LIX1: variants seen among roughly 807,000 people sequenced by gnomAD.
The protein encoded by LIX1 is limb and CNS expressed 1.
Under a neutral mutation model 33.4 loss-of-function variants are expected in LIX1, and 24 were observed. The ratio of observed to expected loss-of-function variants is 0.72; its 90% CI spans 0.52 to 1.01. The LOEUF is 1.01. Ranked by LOEUF, LIX1 falls within the 50% of genes least tolerant of loss-of-function variation. The probability of loss-of-function intolerance (pLI) is 0.00; values close to 1 mark genes in which losing one functional copy is unlikely to be tolerated. For synonymous variants in LIX1, 124 were observed against 124.0 expected (o/e 1.00, Z 0.00); for missense variants, 311 against 339.2 (o/e 0.92, Z 0.65).
At chr5:97,104,593 C>G (rs745823762) in intron 4 of LIX1, among the ~76,000 whole-genome samples, 1 of 152,190 alleles carries the variant, frequency 6.6e-6, no homozygotes, top group Non-Finnish European at 1.5e-5. Context: ...AAGTAAGCAT[C>G]CATAAATGTC....
chr5:97,120,033 G>A (rs539506645), intron 2 of LIX1, among the ~76,000 whole-genome samples: 1 of 152,180 alleles, frequency 6.6e-6, no homozygotes, highest in South Asian at 2.1e-4. Flanking sequence ...CCTAAGAGTC[G>A]GGTGGGGAAA....
chr5:97,141,514 A>G (rs953356558), intron 1 of LIX1, among the ~76,000 whole-genome samples: 4 of 152,244 alleles, frequency 2.6e-5, no homozygotes, highest in African/African-American at 9.6e-5. Context: ...TTTCTTCAAC[A>G]TACATATGAG....
At chr5:97,135,977 G>A (rs1157832578) in intron 1 of LIX1, among the ~76,000 whole-genome samples, 1 of 152,182 alleles carries the variant, frequency 6.6e-6, no homozygotes, top group African/African-American at 2.4e-5. Context: ...TTTGTGTAAT[G>A]CATCTTCCTT....
At chr5:97,139,992 G>T (rs1220163612) in intron 1 of LIX1, among the ~76,000 whole-genome samples, 2 of 152,136 alleles carry the variant, frequency 1.3e-5, no homozygotes, top group African/African-American at 4.8e-5. Flanking sequence ...ATTCCCATGT[G>T]CATCTGTTTC....
intron 1 of LIX1, among the ~76,000 whole-genome samples, chr5:97,126,642 T>C (rs1029420151): frequency 2.7e-5 from 4 of 146,980 alleles, no homozygotes; most frequent in Admixed American, 6.7e-5. Flanking sequence ...TCTTTCTTTT[T>C]TTTTTTTTTT....
chr5:97,115,465 A>T (rs1239099306), intron 2 of LIX1, among the ~76,000 whole-genome samples: 3 of 152,182 alleles, frequency 2.0e-5, no homozygotes, highest in Non-Finnish European at 4.4e-5. Flanking sequence ...TGTATTAGAA[A>T]ATAGGCAGGA....
intron 4 of LIX1, among the ~76,000 whole-genome samples, chr5:97,102,408 C>T (rs915058957): frequency 6.6e-6 from 1 of 152,086 alleles, no homozygotes; most frequent in Admixed American, 6.6e-5. Context: ...CAGGTCCCAG[C>T]AGGCAAGCTA....
chr5:97,124,208 A>ATCCATTATGATGGATG (rs1747853935), intron 2 of LIX1, among the ~76,000 whole-genome samples: 1 of 152,190 alleles, frequency 6.6e-6, no homozygotes, highest in Non-Finnish European at 1.5e-5. Context: ...ATTGCTTATG[A>ATCCATTATGATGGATG]GTTTCACGGT....
chr5:97,103,202 T>A, intron 4 of LIX1: 1 of 381,836 alleles, frequency 2.6e-6, no homozygotes, highest in Middle Eastern at 3.7e-4. Context: ...AAAAAGGACC[T>A]TTTACAGATC....
At chr5:97,101,531 G>A (rs992494287) in intron 4 of LIX1, among the ~76,000 whole-genome samples, 1 of 152,184 alleles carries the variant, frequency 6.6e-6, no homozygotes, top group Non-Finnish European at 1.5e-5. Context: ...AATATAGAAC[G>A]AAGAATCAAG....
intron 2 of LIX1, among the ~76,000 whole-genome samples, chr5:97,115,859 G>C (rs1747622457): frequency 1.3e-5 from 2 of 152,104 alleles, no homozygotes; most frequent in African/African-American, 4.8e-5. Flanking sequence ...GTCAAGGGCA[G>C]GTCAGTGTTA....
At chr5:97,118,052 C>T (rs972917482) in intron 2 of LIX1, among the ~76,000 whole-genome samples, 13 of 152,164 alleles carry the variant, frequency 8.5e-5, no homozygotes, top group African/African-American at 3.1e-4. Context: ...TACTTATTTT[C>T]TGGGAAGCCA....
At chr5:97,127,146 G>T (rs974241191) in intron 1 of LIX1, among the ~76,000 whole-genome samples, 1 of 152,106 alleles carries the variant, frequency 6.6e-6, no homozygotes, top group African/African-American at 2.4e-5. Flanking sequence ...TGTAACTAAT[G>T]CCAGTAGCCT....
chr5:97,131,314 C>T (rs1310081469), intron 1 of LIX1, among the ~76,000 whole-genome samples: 1 of 152,166 alleles, frequency 6.6e-6, no homozygotes, highest in African/African-American at 2.4e-5. Flanking sequence ...CCCTCCCTTC[C>T]TTCTATCCAG....
At chr5:97,100,346 T>A (rs1233004877) in intron 4 of LIX1, among the ~76,000 whole-genome samples, 1 of 152,178 alleles carries the variant, frequency 6.6e-6, no homozygotes, top group Non-Finnish European at 1.5e-5. Flanking sequence ...AAGCAGCTTT[T>A]TTTTTCTCTC....
At chr5:97,099,238 G>C (rs528849039) in intron 4 of LIX1, among the ~76,000 whole-genome samples, 1 of 152,116 alleles carries the variant, frequency 6.6e-6, no homozygotes, top group Non-Finnish European at 1.5e-5. Context: ...TGCTTTGTTC[G>C]AGAAACCAAA....
At chr5:97,125,685 A>G (rs1280273037) in intron 1 of LIX1, among the ~76,000 whole-genome samples, 1 of 152,188 alleles carries the variant, frequency 6.6e-6, no homozygotes. Context: ...ACAGGTTTAA[A>G]AGCAGTATAA....
intron 1 of LIX1, among the ~76,000 whole-genome samples, chr5:97,138,448 CG>C (rs1748214100): frequency 6.6e-6 from 1 of 152,168 alleles, no homozygotes; most frequent in Non-Finnish European, 1.5e-5. Context: ...CTTAGGTATT[CG>C]GATGTGTACC....
chr5:97,100,840 G>A (rs903141715), intron 4 of LIX1, among the ~76,000 whole-genome samples: 1 of 150,794 alleles, frequency 6.6e-6, no homozygotes, highest in Non-Finnish European at 1.5e-5. Context: ...GCTGAGGCAG[G>A]AAGATCATGA....
Sources: allele counts gnomAD v4.1 joint callset (sites outside exome capture counted in the v4.1 genomes callset), GRCh38; gene constraint gnomAD v4.1.1; transcripts MANE v1.5; gene names NCBI Gene and HGNC (gene_info 2026-07-23, HGNC 2026-07-21).